Variants in LRRC7 observed in about 807,000 individuals in gnomAD.
The protein encoded by LRRC7 is leucine-rich repeat-containing protein 7.
A neutral mutation model predicts 175.7 loss-of-function variants in LRRC7; 23 were observed. The observed-to-expected ratio is 0.13, with a 90% CI of 0.09 to 0.19. The LOEUF is 0.19. Ranked by LOEUF, LRRC7 falls within the 10% of genes least tolerant of loss-of-function variation. The pLI, the probability that LRRC7 is intolerant of heterozygous loss-of-function variation, is 1.00. For synonymous variants in LRRC7, 685 were observed against 680.9 expected, an observed-to-expected ratio of 1.01 and a Z score of -0.09; for missense variants, 1,354 against 1,904.7, an observed-to-expected ratio of 0.71 and a Z score of 5.38.
Position 69,926,012 on chromosome 1 carries a change from G to A in LRRC7, c.648-5495G>A, listed in dbSNP as rs369458729. ...TCTGGTATGTTGTGTCTTTGTTCTC[G>A]TTAGTTTCAAAGAACATCTTTATTT... On this transcript the variant is annotated intron_variant, in intron 7 of 26. Coordinates refer to ENST00000651989, the MANE Select transcript of LRRC7 (RefSeq NM_001370785.2). 4.0e-3 allele frequency among the ~76,000 whole-genome samples: 608 copies of A among 151,606 alleles called. 3 individuals carry two copies. The highest frequency in any genetic ancestry group is 0.014 in the African/African-American group (563 of 41,350).
intron 8 of LRRC7, among the ~76,000 whole-genome samples, chr1:69,955,731 T>C (rs148283178): frequency 7.8e-4 from 119 of 152,096 alleles, no homozygotes; most frequent in African/African-American, 2.6e-3. Flanking sequence ...ATTTGTGTGA[T>C]GAATCCAAGC....
intron 8 of LRRC7, among the ~76,000 whole-genome samples, chr1:69,966,719 C>A (rs972070945): frequency 1.3e-5 from 2 of 152,186 alleles, no homozygotes; most frequent in South Asian, 4.1e-4. Flanking sequence ...ACCAGGGAAC[C>A]TGAAGGTCTA....
At chr1:69,869,762 A>G (rs964368100) in intron 7 of LRRC7, among the ~76,000 whole-genome samples, 1 of 152,190 alleles carries the variant, frequency 6.6e-6, no homozygotes, top group Non-Finnish European at 1.5e-5. Flanking sequence ...GATATAGGGA[A>G]TAATCAATAG....
intron 12 of LRRC7, 124 bp downstream of exon 12, chr1:70,012,050 T>C: frequency 2.0e-6 from 1 of 506,718 alleles, no homozygotes; most frequent in Admixed American, 3.8e-5. Context: ...AGGAATTATC[T>C]ACATATATAT....
intron 2 of LRRC7, among the ~76,000 whole-genome samples, chr1:69,739,939 GAA>G (rs1429090927): frequency 6.6e-6 from 1 of 152,042 alleles, no homozygotes; most frequent in Non-Finnish European, 1.5e-5. Context: ...CTGTTAGTTA[GAA>G]CCTGGTTTTA....
chr1:69,928,773 G>A (rs571874436), intron 7 of LRRC7, among the ~76,000 whole-genome samples: 62 of 152,312 alleles, frequency 4.1e-4, no homozygotes, highest in Admixed American at 1.8e-3. Flanking sequence ...GTGAGGCAAT[G>A]CCTCGCCCTG....
At chr1:69,728,336 T>C (rs1570536285) in intron 2 of LRRC7, among the ~76,000 whole-genome samples, 1 of 152,064 alleles carries the variant, frequency 6.6e-6, no homozygotes, top group East Asian at 1.9e-4. Flanking sequence ...GAAAATACCA[T>C]ATAAACAAAA....
intron 3 of LRRC7, among the ~76,000 whole-genome samples, chr1:69,761,697 C>T (rs2100944103): frequency 6.6e-6 from 1 of 152,050 alleles, no homozygotes; most frequent in Admixed American, 6.6e-5. Flanking sequence ...GTGAAATAGA[C>T]TGTCTGTTGT....
intron 17 of LRRC7, among the ~76,000 whole-genome samples, chr1:70,026,252 T>G (rs1036688189): frequency 7.2e-5 from 11 of 152,256 alleles, no homozygotes; most frequent in African/African-American, 2.6e-4. Flanking sequence ...ATGCCCTACT[T>G]TAGCTTATTT....
intron 7 of LRRC7, among the ~76,000 whole-genome samples, chr1:69,885,434 T>G (rs1687082259): frequency 6.9e-6 from 1 of 144,558 alleles, no homozygotes; most frequent in South Asian, 2.2e-4. Flanking sequence ...CTGATGGTAG[T>G]TTGTATTTCT....
chr1:70,085,679 G>A (rs921503175), intron 24 of LRRC7, among the ~76,000 whole-genome samples: 1 of 152,020 alleles, frequency 6.6e-6, no homozygotes, highest in African/African-American at 2.4e-5. Context: ...TCTTTCCTGA[G>A]GCAAGAATAA....
Position 70,090,508 on chromosome 1 carries a change from A to T in LRRC7, c.4545+689A>T, listed in dbSNP as rs79241503. ...GCCTGACGCCGATGTGAACCACCTG[A>T]TTTTTTATTTTTTAAATGTTTACCT... On this transcript the variant is annotated intron_variant, in intron 25 of 26. Coordinates refer to ENST00000651989, the MANE Select transcript of LRRC7 (RefSeq NM_001370785.2). Among the ~76,000 whole-genome samples, 370 of 152,020 alleles carry T rather than the reference A, an allele frequency of 2.4e-3. 2 individuals carry two copies. The highest frequency in any genetic ancestry group is 0.014 in the South Asian group (69 of 4,818).
intron 2 of LRRC7, among the ~76,000 whole-genome samples, chr1:69,707,212 A>G (rs1664145250): frequency 6.6e-6 from 1 of 152,196 alleles, no homozygotes; most frequent in Non-Finnish European, 1.5e-5. Context: ...AAGTGCAGAC[A>G]CTGTCATATC....
At chr1:69,613,052 T>C (rs1000047915) in intron 1 of LRRC7, among the ~76,000 whole-genome samples, 1 of 152,050 alleles carries the variant, frequency 6.6e-6, no homozygotes, top group African/African-American at 2.4e-5. Flanking sequence ...ACCCCACCCA[T>C]CTTCACTTAA....
chr1:70,064,532 A>G (rs1012685579), intron 23 of LRRC7, among the ~76,000 whole-genome samples: 8 of 151,874 alleles, frequency 5.3e-5, no homozygotes, highest in Non-Finnish European at 2.9e-5. Flanking sequence ...CCCAACAAAA[A>G]AAATCAGAAA....
intron 8 of LRRC7, among the ~76,000 whole-genome samples, chr1:69,937,954 C>CT (rs952048800): frequency 7.9e-5 from 12 of 151,232 alleles, no homozygotes; most frequent in Admixed American, 3.3e-4. Flanking sequence ...GTGTTTTCAC[C>CT]TTTTTTTTAA....
intron 2 of LRRC7, among the ~76,000 whole-genome samples, chr1:69,709,331 AG>A (rs1346055622): frequency 2.0e-5 from 3 of 152,214 alleles, no homozygotes; most frequent in Non-Finnish European, 2.9e-5. Flanking sequence ...ATATTTTTCC[AG>A]GGTCAGGCCT....
At chr1:69,664,311 A>G (rs1657955284) in intron 1 of LRRC7, among the ~76,000 whole-genome samples, 1 of 152,188 alleles carries the variant, frequency 6.6e-6, no homozygotes, top group African/African-American at 2.4e-5. Flanking sequence ...TCTTTTGGAT[A>G]TATACACCCA....
At chr1:69,719,501 CAT>C (rs1293485155) in intron 2 of LRRC7, among the ~76,000 whole-genome samples, 4 of 151,782 alleles carry the variant, frequency 2.6e-5, no homozygotes, top group East Asian at 3.9e-4. Context: ...ATAACACTCT[CAT>C]GTGCAATTTT....
Sources: allele counts gnomAD v4.1 joint callset (sites outside exome capture counted in the v4.1 genomes callset), GRCh38; gene constraint gnomAD v4.1.1; transcripts MANE v1.5; gene names NCBI Gene and HGNC (gene_info 2026-07-23, HGNC 2026-07-21).